TBC1D19: variants seen among roughly 807,000 people sequenced by gnomAD.
The protein encoded by TBC1D19 is TBC1 domain family member 19, also known as TBC1 domain family, member 19.
TBC1D19 carries 60 observed loss-of-function variants against 89.0 expected under a neutral mutation model. The observed-to-expected ratio is 0.67, with a 90% CI of 0.55 to 0.84. TBC1D19 has a LOEUF of 0.84. Ranked by LOEUF, TBC1D19 falls within the 40% of genes least tolerant of loss-of-function variation. The pLI, the probability that TBC1D19 is intolerant of heterozygous loss-of-function variation, is 0.00. For missense variants in TBC1D19, 500 were observed against 610.8 expected, an observed-to-expected ratio of 0.82 and a Z score of 1.91; for synonymous variants, 189 against 199.7, an observed-to-expected ratio of 0.95 and a Z score of 0.45.
chr4:26,663,941 G>A (rs985851491), intron 8 of TBC1D19, among the ~76,000 whole-genome samples: 33 of 152,208 alleles, frequency 2.2e-4, no homozygotes, highest in African/African-American at 7.5e-4. Context: ...ACTCTAAAGT[G>A]TAGTTGTGAT....
intron 7 of TBC1D19, among the ~76,000 whole-genome samples, chr4:26,641,311 C>G (rs1360191980): frequency 6.6e-6 from 1 of 152,206 alleles, no homozygotes; most frequent in Non-Finnish European, 1.5e-5. Context: ...CCAGCAAACT[C>G]CAACAGACCT....
chr4:26,690,499 C>T (rs1285105035), intron 13 of TBC1D19, among the ~76,000 whole-genome samples: 1 of 152,186 alleles, frequency 6.6e-6, no homozygotes, highest in Non-Finnish European at 1.5e-5. Context: ...GATATGCTGA[C>T]TCTGTTGTTA....
chr4:26,840,041 G>T, the TBC1D19 span, among the ~76,000 whole-genome samples: 2 of 151,924 alleles, frequency 1.3e-5, no homozygotes, highest in African/African-American at 4.8e-5. Context: ...GTTTTTATGA[G>T]AATGTTTATA....
At chr4:26,721,094 G>C (rs1305373050) in intron 15 of TBC1D19, among the ~76,000 whole-genome samples, 2 of 151,546 alleles carry the variant, frequency 1.3e-5, no homozygotes, top group Non-Finnish European at 2.9e-5. Flanking sequence ...CTCTTGTTCT[G>C]CTGCTCTTCT....
At chr4:26,855,493 A>C in the TBC1D19 span, among the ~76,000 whole-genome samples, 6 of 152,324 alleles carry the variant, frequency 3.9e-5, no homozygotes, top group South Asian at 1.2e-3. Flanking sequence ...GTTTTACTGG[A>C]ACAAAAATAC....
the TBC1D19 span, among the ~76,000 whole-genome samples, chr4:26,788,442 A>G: frequency 3.9e-5 from 6 of 152,184 alleles, no homozygotes; most frequent in African/African-American, 1.2e-4. Flanking sequence ...CAAAGAGGGC[A>G]CATAGTTTTA....
chr4:26,790,194 C>A, the TBC1D19 span, among the ~76,000 whole-genome samples: 27 of 152,240 alleles, frequency 1.8e-4, no homozygotes, highest in South Asian at 5.4e-3. Flanking sequence ...ACAAAACTTT[C>A]TGGGTGGTCC....
In TBC1D19 at chr4:26,755,088, A is replaced by C. The variant is rs2109339756; in HGVS notation, c.*141A>C. ...GTTCCCTCTTCAGTTAAACCTAAGT[A>C]GTTTCTCACTTTTTGAAACAATAAC... is the stretch of plus-strand genomic sequence containing the variant. On this transcript the variant is annotated 3_prime_UTR_variant, in exon 21 of 21. Coordinates refer to ENST00000264866, the MANE Select transcript of TBC1D19 (RefSeq NM_018317.4). 1.6e-6 allele frequency: 1 copy of C among 623,132 alleles called. No homozygotes were observed. Among genetic ancestry groups the C allele is most frequent in the Non-Finnish European group, 2.5e-6 (1 of 394,024 alleles). The allele number at this position is 623,132 out of a possible 1,614,324, so 38.6% of individuals were successfully genotyped here.
intron 1 of TBC1D19, among the ~76,000 whole-genome samples, chr4:26,609,230 A>G (rs925862064): frequency 3.3e-5 from 5 of 152,130 alleles, no homozygotes; most frequent in Admixed American, 6.5e-5. Context: ...TTAAAAAAAT[A>G]GAATGTGGTT....
intron 13 of TBC1D19, among the ~76,000 whole-genome samples, chr4:26,694,078 G>C (rs370227580): frequency 2.6e-4 from 39 of 152,216 alleles, no homozygotes; most frequent in African/African-American, 9.4e-4. Context: ...CCCACCGAGT[G>C]TGAGCCGAAG....
chr4:26,661,695 A>G (rs1249233403), intron 8 of TBC1D19, among the ~76,000 whole-genome samples: 1 of 152,242 alleles, frequency 6.6e-6, no homozygotes, highest in African/African-American at 2.4e-5. Flanking sequence ...AGGATGCAAT[A>G]GACGATAACC....
the TBC1D19 span, among the ~76,000 whole-genome samples, chr4:26,829,750 A>G: frequency 6.6e-6 from 1 of 152,238 alleles, no homozygotes; most frequent in Non-Finnish European, 1.5e-5. Context: ...TTTTTACCTC[A>G]TCAGGACTAA....
chr4:26,667,808 T>G (rs1163122672), intron 9 of TBC1D19, among the ~76,000 whole-genome samples: 1 of 151,926 alleles, frequency 6.6e-6, no homozygotes, highest in Non-Finnish European at 1.5e-5. Flanking sequence ...TGCCAGTGAG[T>G]TTTCAAAAGT....
chr4:26,732,427 C>T (rs556300244), intron 15 of TBC1D19, among the ~76,000 whole-genome samples: 8 of 152,230 alleles, frequency 5.3e-5, no homozygotes, highest in South Asian at 2.1e-4. Flanking sequence ...GACATGTATT[C>T]GCTTATTTTT....
chr4:26,732,816 T>C (rs984417838), intron 15 of TBC1D19, among the ~76,000 whole-genome samples: 1 of 152,068 alleles, frequency 6.6e-6, no homozygotes, highest in African/African-American at 2.4e-5. Flanking sequence ...GGTGAAGATG[T>C]TGGGTGAAAA....
At chr4:26,787,650 A>G in the TBC1D19 span, among the ~76,000 whole-genome samples, 1 of 152,266 alleles carries the variant, frequency 6.6e-6, no homozygotes, top group Non-Finnish European at 1.5e-5. Flanking sequence ...CTGAGTGTAG[A>G]GGACTTGACA....
At chr4:26,724,655 A>T (rs926011706) in intron 15 of TBC1D19, among the ~76,000 whole-genome samples, 1 of 152,202 alleles carries the variant, frequency 6.6e-6, no homozygotes, top group Admixed American at 6.5e-5. Flanking sequence ...GTCTTTGCAG[A>T]TTGGCTGGGT....
At chr4:26,666,260 G>C in intron 8 of TBC1D19, 73 bp from the exon 9 acceptor site, 1 of 1,234,806 alleles carries the variant, frequency 8.1e-7, no homozygotes, top group South Asian at 1.3e-5. Flanking sequence ...CTAATGTTAA[G>C]GCAAAGGTGA....
intron 15 of TBC1D19, among the ~76,000 whole-genome samples, chr4:26,725,755 A>G (rs550068402): frequency 6.6e-6 from 1 of 152,274 alleles, no homozygotes; most frequent in South Asian, 2.1e-4. Context: ...ACTGTGTAGA[A>G]TAAAAGTGTC....
Sources: allele counts gnomAD v4.1 joint callset (sites outside exome capture counted in the v4.1 genomes callset), GRCh38; gene constraint gnomAD v4.1.1; transcripts MANE v1.5; gene names NCBI Gene and HGNC (gene_info 2026-07-23, HGNC 2026-07-21).